Variants in GPC6 observed in about 807,000 individuals in gnomAD.
The protein encoded by GPC6 is glypican 6.
In GPC6, 14 loss-of-function variants were observed where a neutral mutation model predicts 55.2. The ratio of observed to expected loss-of-function variants is 0.25; its 90% CI spans 0.17 to 0.40. The LOEUF is 0.40. Among genes scored for constraint, GPC6 ranks in the 10% least tolerant of loss-of-function variants. The pLI, the probability that GPC6 is intolerant of heterozygous loss-of-function variation, is 1.00. For missense variants in GPC6, 641 were observed against 708.5 expected (o/e 0.90, Z 1.08); for synonymous variants, 278 against 259.6 (o/e 1.07, Z -0.68).
chr13:93,237,149 G>A (rs142548611), intron 1 of GPC6, among the ~76,000 whole-genome samples: 45 of 152,216 alleles, frequency 3.0e-4, no homozygotes, highest in African/African-American at 1.1e-3. Context: ...TTTCCATGCT[G>A]TTTTCCGTAG....
At chr13:93,225,360 G>A (rs924335432), upstream of GPC6, among the ~76,000 whole-genome samples, 2 of 152,174 alleles carry the variant, frequency 1.3e-5, no homozygotes, top group Non-Finnish European at 2.9e-5. Flanking sequence ...CGACTTGAGG[G>A]AAAATAAGTT....
chr13:94,104,881 G>T (rs1274620986), intron 4 of GPC6, among the ~76,000 whole-genome samples: 3 of 152,048 alleles, frequency 2.0e-5, no homozygotes, highest in Non-Finnish European at 4.4e-5. Context: ...CATGAAAATG[G>T]CCATACTGCC....
intron 3 of GPC6, among the ~76,000 whole-genome samples, chr13:93,936,076 A>G (rs1878421598): frequency 6.6e-6 from 1 of 152,242 alleles, no homozygotes; most frequent in African/African-American, 2.4e-5. Context: ...TATACATGAT[A>G]TCACTCACCA....
intron 1 of GPC6, among the ~76,000 whole-genome samples, chr13:93,481,939 T>C (rs1278930043): frequency 2.6e-5 from 4 of 152,128 alleles, no homozygotes; most frequent in African/African-American, 4.8e-5. Flanking sequence ...AGCTTGTCAA[T>C]TTTTTTAAAG....
chr13:94,244,414 G>C (rs1486312254), intron 4 of GPC6, among the ~76,000 whole-genome samples: 1 of 151,978 alleles, frequency 6.6e-6, no homozygotes, highest in Non-Finnish European at 1.5e-5. Flanking sequence ...TTAAGGATTT[G>C]GGCACTATCT....
chr13:93,865,354 C>T (rs1888929592), intron 3 of GPC6, among the ~76,000 whole-genome samples: 1 of 151,692 alleles, frequency 6.6e-6, no homozygotes, highest in African/African-American at 2.4e-5. Flanking sequence ...TGCCAGGGTT[C>T]AACTAATTTC....
chr13:93,472,551 C>T (rs1334627160), intron 1 of GPC6, among the ~76,000 whole-genome samples: 1 of 152,208 alleles, frequency 6.6e-6, no homozygotes, highest in Admixed American at 6.5e-5. Flanking sequence ...CCCTGCCTGG[C>T]ACTGGAAAAT....
chr13:93,895,234 G>GTGTGTGTATATATA (rs1196315147), intron 3 of GPC6, among the ~76,000 whole-genome samples: 3 of 108,216 alleles, frequency 2.8e-5, no homozygotes, highest in Non-Finnish European at 5.8e-5. Flanking sequence ...GTGTGTGTGT[G>GTGTGTGTATATATA]TATATATATA....
intron 1 of GPC6, among the ~76,000 whole-genome samples, chr13:93,305,385 C>T (rs1014793650): frequency 6.6e-6 from 1 of 152,086 alleles, no homozygotes; most frequent in African/African-American, 2.4e-5. Flanking sequence ...AGTTTGCTGT[C>T]GTACTGGGAC....
chr13:93,499,106 C>CACAA (rs1555305612), intron 1 of GPC6, among the ~76,000 whole-genome samples: 21 of 151,792 alleles, frequency 1.4e-4, no homozygotes, highest in South Asian at 4.2e-4. Flanking sequence ...CACACACACA[C>CACAA]ACACACACAC....
chr13:93,744,273 C>T (rs1884309047), intron 2 of GPC6, among the ~76,000 whole-genome samples: 2 of 152,120 alleles, frequency 1.3e-5, no homozygotes, highest in African/African-American at 4.8e-5. Flanking sequence ...GTTTCTTCTT[C>T]ACTCTTTTAT....
chr13:93,787,412 T>G (rs74558283), intron 2 of GPC6, among the ~76,000 whole-genome samples: 1 of 152,204 alleles, frequency 6.6e-6, no homozygotes, highest in African/African-American at 2.4e-5. Context: ...CAATAAAACC[T>G]TATTTATAAA....
At chr13:93,847,264 C>T (rs1442324760) in intron 3 of GPC6, among the ~76,000 whole-genome samples, 1 of 152,072 alleles carries the variant, frequency 6.6e-6, no homozygotes, top group Non-Finnish European at 1.5e-5. Flanking sequence ...CGCATTAATA[C>T]AGGAGGTGGC....
chr13:93,265,097 T>G (rs1877279100), intron 1 of GPC6, among the ~76,000 whole-genome samples: 1 of 152,200 alleles, frequency 6.6e-6, no homozygotes, highest in Admixed American at 6.5e-5. Context: ...CATTATATGC[T>G]TAAATGCTGA....
intron 2 of GPC6, among the ~76,000 whole-genome samples, chr13:93,808,896 A>G (rs1335621504): frequency 6.6e-6 from 1 of 152,172 alleles, no homozygotes; most frequent in Non-Finnish European, 1.5e-5. Context: ...AATAGAAGCA[A>G]GGAGATAGCT....
chr13:94,398,404 C>A, intron 7 of GPC6, 62 bp from the exon 8 acceptor site: 1 of 1,222,234 alleles, frequency 8.2e-7, no homozygotes, highest in Non-Finnish European at 1.2e-6. Flanking sequence ...TGCATGGCAG[C>A]ATCTGGTTTT....
intron 3 of GPC6, among the ~76,000 whole-genome samples, chr13:93,931,211 A>G (rs973275383): frequency 1.2e-4 from 19 of 152,130 alleles, no homozygotes; most frequent in Admixed American, 7.9e-4. Flanking sequence ...GAGGTAAAAC[A>G]TAATGAAATT....
intron 6 of GPC6, among the ~76,000 whole-genome samples, chr13:94,332,034 A>G (rs970453886): frequency 1.3e-5 from 2 of 152,210 alleles, no homozygotes; most frequent in African/African-American, 4.8e-5. Flanking sequence ...TGAGGCAGTA[A>G]TGCTTTGTGC....
rs372209661 is a variant in GPC6, at chr13:93,435,119, C to T, written c.161-110144C>T. 1.7e-4 allele frequency among the ~76,000 whole-genome samples: 26 copies of T among 151,518 alleles called. No individual in the cohort carries two copies. In the East Asian group the frequency reaches 3.9e-3, roughly 23 times the overall value. The stretch of plus-strand genomic sequence containing the variant: ...AATAATATTGGTTAATTTCTTTTTA[C>T]TTTTTTATTTTTGGAGACATGGTCT... On this transcript the variant is annotated intron_variant, in intron 1 of 8. Coordinates refer to ENST00000377047, the MANE Select transcript of GPC6 (RefSeq NM_005708.5).
Sources: allele counts gnomAD v4.1 joint callset (sites outside exome capture counted in the v4.1 genomes callset), GRCh38; gene constraint gnomAD v4.1.1; transcripts MANE v1.5; gene names NCBI Gene and HGNC (gene_info 2026-07-23, HGNC 2026-07-21).